KCNB2: variants seen among roughly 807,000 people sequenced by gnomAD.
KCNB2 encodes the protein delayed rectifier potassium channel protein.
In KCNB2, 15 loss-of-function variants were observed where a neutral mutation model predicts 61.5. The ratio of observed to expected loss-of-function variants is 0.24; its 90% confidence interval spans 0.16 to 0.38. The LOEUF is 0.38. Ranked by LOEUF, KCNB2 falls within the 10% of genes least tolerant of loss-of-function variation. KCNB2 has a pLI of 1.00. For missense variants in KCNB2, 828 were observed against 1,125.2 expected, an observed-to-expected ratio of 0.74 and a Z score of 3.78; for synonymous variants, 457 against 446.0, an observed-to-expected ratio of 1.02 and a Z score of -0.31.
chr8:72,714,747 A>T (rs1807396141), intron 2 of KCNB2, among the ~76,000 whole-genome samples: 1 of 152,206 alleles, frequency 6.6e-6, no homozygotes, highest in African/African-American at 2.4e-5. Context: ...AAGAAACTGC[A>T]TCAACTAACA....
chr8:72,841,370 T>TGC, intron 2 of KCNB2, among the ~76,000 whole-genome samples: 1 of 42,032 alleles, frequency 2.4e-5, no homozygotes, highest in Admixed American at 2.5e-4. Flanking sequence ...TCTTTTTTTT[T>TGC]TCTTTTTTTT....
intron 2 of KCNB2, among the ~76,000 whole-genome samples, chr8:72,635,551 G>A (rs1805951262): frequency 6.6e-6 from 1 of 152,150 alleles, no homozygotes; most frequent in African/African-American, 2.4e-5. Flanking sequence ...TGCTGAGATT[G>A]CACTGTGGTT....
At chr8:72,554,727 A>G (rs1806397428) in intron 1 of KCNB2, among the ~76,000 whole-genome samples, 1 of 152,086 alleles carries the variant, frequency 6.6e-6, no homozygotes, top group Non-Finnish European at 1.5e-5. Context: ...TATTCTTGGC[A>G]TCTATTTTGA....
At chr8:72,908,071 T>C (rs1383507280) in intron 2 of KCNB2, among the ~76,000 whole-genome samples, 2 of 152,182 alleles carry the variant, frequency 1.3e-5, no homozygotes. Context: ...TCTAAGAAAA[T>C]GTCTAAACTG....
At chr8:72,795,341 C>T (rs567459716) in intron 2 of KCNB2, among the ~76,000 whole-genome samples, 4 of 152,290 alleles carry the variant, frequency 2.6e-5, no homozygotes, top group South Asian at 4.2e-4. Context: ...AATTTCAATC[C>T]GTAAAATGAC....
chr8:72,722,011 C>T (rs1490987438), intron 2 of KCNB2, among the ~76,000 whole-genome samples: 1 of 152,174 alleles, frequency 6.6e-6, no homozygotes, highest in African/African-American at 2.4e-5. Context: ...TTAGTGATAA[C>T]CACCCTAGTT....
At chr8:72,599,172 G>A (rs1221631570) in intron 2 of KCNB2, among the ~76,000 whole-genome samples, 2 of 152,262 alleles carry the variant, frequency 1.3e-5, no homozygotes, top group African/African-American at 4.8e-5. Flanking sequence ...CAAAGCTGGA[G>A]GCATCATGCT....
At chr8:72,804,099 T>G (rs940899521) in intron 2 of KCNB2, among the ~76,000 whole-genome samples, 12 of 152,154 alleles carry the variant, frequency 7.9e-5, no homozygotes, top group Non-Finnish European at 1.6e-4. Flanking sequence ...GAGTCACCCC[T>G]ATCCCCAAGG....
intron 2 of KCNB2, among the ~76,000 whole-genome samples, chr8:72,634,732 G>A (rs1293053700): frequency 1.3e-5 from 2 of 152,136 alleles, no homozygotes; most frequent in African/African-American, 4.8e-5. Flanking sequence ...AGAGAATAAT[G>A]TAATTTAAAG....
chr8:72,910,627 G>T (rs929783032), intron 2 of KCNB2, among the ~76,000 whole-genome samples: 5 of 152,174 alleles, frequency 3.3e-5, no homozygotes. Context: ...AGTCAATAAA[G>T]GTAAGGACTG....
At chr8:72,575,081 GTAGCCACCTCA>G (rs1307613855) in intron 2 of KCNB2, among the ~76,000 whole-genome samples, 1 of 152,090 alleles carries the variant, frequency 6.6e-6, no homozygotes, top group African/African-American at 2.4e-5. Flanking sequence ...TGGACTTCAG[GTAGCCACCTCA>G]TATTGTTTAC....
rs1277229737 is a variant in KCNB2 at position 72,851,841 on chromosome 8, A to C, written c.580-84094A>C. ...GAAGCTGTAGGAAAAAAAAAAAAAA[A>C]AAAAAAACACGTACTGCTGAGTTCC... is the stretch of plus-strand genomic sequence containing the variant. On this transcript the variant is annotated intron_variant, in intron 2 of 2. Coordinates refer to ENST00000523207, the MANE Select transcript of KCNB2 (RefSeq NM_004770.3). Among the ~76,000 whole-genome samples, 13 of 111,480 alleles carry C rather than the reference A, an allele frequency of 1.2e-4. No homozygotes were observed. In the East Asian group the frequency reaches 2.5e-3, roughly 22 times the overall value. The allele number at this position is 111,480 out of a possible 152,430, so 73.1% of individuals were successfully genotyped here.
intron 2 of KCNB2, among the ~76,000 whole-genome samples, chr8:72,932,002 GACA>G (rs1482002736): frequency 7.0e-6 from 1 of 142,584 alleles, no homozygotes; most frequent in Admixed American, 7.4e-5. Flanking sequence ...AACGGAGCCA[GACA>G]CTGTCTCAAA....
intron 2 of KCNB2, among the ~76,000 whole-genome samples, chr8:72,892,832 C>T (rs943508628): frequency 6.6e-6 from 1 of 152,074 alleles, no homozygotes; most frequent in African/African-American, 2.4e-5. Flanking sequence ...GGACATACAG[C>T]CATTAGGTTG....
At position 72,938,046 on chromosome 8, in the gene KCNB2, C is replaced by T. The variant is rs377151381; in HGVS notation, c.2691C>T (p.Asn897=). ...TGTTTGCCCCAGAAATTCATTCCAACCCAGGAGACACAGGTTATTGTCCCA... is the reference window on the plus strand; with the variant it reads ...TGTTTGCCCCAGAAATTCATTCCAATCCAGGAGACACAGGTTATTGTCCCA... ...NHLFAPEIHS[N]PGDTGYCPTR... Residue 897 remains asparagine (N), a synonymous_variant, in exon 3 of 3, where the codon AAC becomes AAT. Transcript: ENST00000523207. The T allele has an allele frequency of 8.9e-5, 144 of 1,613,636 alleles. 1 individual carries two copies. The highest frequency in any genetic ancestry group is 1.6e-4 in the Middle Eastern group (1 of 6,082).
At chr8:72,703,153 A>G (rs1807162909) in intron 2 of KCNB2, among the ~76,000 whole-genome samples, 1 of 152,200 alleles carries the variant, frequency 6.6e-6, no homozygotes, top group Non-Finnish European at 1.5e-5. Flanking sequence ...TTTCCTAGCT[A>G]TGCCATTTTC....
Position 72,936,221 on chromosome 8 carries a change from G to C in KCNB2, c.866G>C (p.Ser289Thr). ...VTIFLTESNK[S>T]VLQFQNVRRV... Reference sequence around the variant, plus strand: ...ATTTTTCTGACGGAGTCCAACAAGAGCGTGCTGCAGTTCCAAAACGTGAGG... The same window carrying C: ...ATTTTTCTGACGGAGTCCAACAAGACCGTGCTGCAGTTCCAAAACGTGAGG... Residue 289 changes from serine (S) to threonine (T), a missense_variant, in exon 3 of 3, where the codon AGC (serine) becomes ACC (threonine). By Grantham distance (58) the Ser-to-Thr change is moderately conservative. Transcript: ENST00000523207. This position sits in a 1 kb window ranked among gnomAD's most constrained non-coding sequence, Gnocchi z 5.6. 6.2e-7 allele frequency: 1 copy of C among 1,614,238 alleles called. No individual in the cohort carries two copies. The highest frequency in any genetic ancestry group is 8.5e-7 in the Non-Finnish European group (1 of 1,180,030).
intron 1 of KCNB2, among the ~76,000 whole-genome samples, chr8:72,538,768 ATTT>A (rs1169506684): frequency 6.6e-6 from 1 of 152,154 alleles, no homozygotes; most frequent in African/African-American, 2.4e-5. Flanking sequence ...GCATTGATTA[ATTT>A]TTTTATTTTG....
intron 2 of KCNB2, among the ~76,000 whole-genome samples, chr8:72,647,378 T>A (rs1806145153): frequency 6.6e-6 from 1 of 152,012 alleles, no homozygotes. Flanking sequence ...TAAAAAAAAA[T>A]AGCATCTGTG....
Sources: gnomAD v4.1 joint callset for allele counts (sites outside exome capture counted in the v4.1 genomes callset) on GRCh38, gnomAD v4.1.1 for gene constraint, Gnocchi (gnomAD v3.1) non-coding constraint, MANE v1.5 for transcripts, NCBI Gene and HGNC (gene_info 2026-07-23, HGNC 2026-07-21) for gene names.